CADM2: variants seen among roughly 807,000 people sequenced by gnomAD.
The protein encoded by CADM2 is immunoglobulin superfamily member 4D.
A neutral mutation model predicts 49.8 loss-of-function variants in CADM2; 12 were observed. The ratio of observed to expected loss-of-function variants is 0.24; its 90% CI spans 0.15 to 0.39. The LOEUF (loss-of-function observed/expected upper bound fraction) is 0.39, where lower values mean the gene tolerates loss of function less well. Among genes scored for constraint, CADM2 ranks in the 10% least tolerant of loss-of-function variants. CADM2 has a pLI of 1.00. For synonymous variants in CADM2, 214 were observed against 175.4 expected, an observed-to-expected ratio of 1.22 and a Z score of -1.74; for missense variants, 378 against 492.3, an observed-to-expected ratio of 0.77 and a Z score of 2.20.
chr3:85,424,987 G>A (rs757709977), intron 1 of CADM2, among the ~76,000 whole-genome samples: 2 of 151,952 alleles, frequency 1.3e-5, no homozygotes, highest in Non-Finnish European at 2.9e-5. Flanking sequence ...CAAGACTCAA[G>A]GATAGCATTG....
At chr3:85,113,430 T>C (rs2038529517) in intron 1 of CADM2, among the ~76,000 whole-genome samples, 1 of 152,138 alleles carries the variant, frequency 6.6e-6, no homozygotes, top group South Asian at 2.1e-4. Context: ...CTACATTTTT[T>C]AGTGGGTGTG....
chr3:86,025,122 C>G (rs1733728842), intron 8 of CADM2, among the ~76,000 whole-genome samples: 4 of 151,646 alleles, frequency 2.6e-5, no homozygotes, highest in African/African-American at 9.7e-5. Flanking sequence ...GTGGCATGAT[C>G]TCAGCTCACC....
At chr3:85,461,588 G>C (rs2038247443) in intron 1 of CADM2, among the ~76,000 whole-genome samples, 1 of 152,086 alleles carries the variant, frequency 6.6e-6, no homozygotes. Flanking sequence ...TCTTGCACCT[G>C]TCCCTTTACT....
At chr3:85,066,731 T>C (rs1261371141) in intron 1 of CADM2, among the ~76,000 whole-genome samples, 1 of 152,220 alleles carries the variant, frequency 6.6e-6, no homozygotes, top group Admixed American at 6.5e-5. Context: ...CAAAGACTAG[T>C]TAAGCCAAAT....
chr3:85,131,874 A>C (rs2039239118), intron 1 of CADM2, among the ~76,000 whole-genome samples: 1 of 140,410 alleles, frequency 7.1e-6, no homozygotes, highest in Admixed American at 7.8e-5. Context: ...TAATATTAAC[A>C]ATGTGGCTGT....
chr3:85,744,338 G>T (rs3159), intron 2 of CADM2, among the ~76,000 whole-genome samples: 13,724 of 152,086 alleles, frequency 0.09, 883 homozygotes, highest in Middle Eastern at 0.15. Context: ...AAATTTAATT[G>T]TACATTTTTA....
At chr3:85,577,479 C>T (rs1233927473) in intron 1 of CADM2, among the ~76,000 whole-genome samples, 1 of 152,134 alleles carries the variant, frequency 6.6e-6, no homozygotes, top group African/African-American at 2.4e-5. Context: ...AGCAAGAAGG[C>T]CTTCAGCAGA....
chr3:85,696,310 T>G (rs1048388946), intron 1 of CADM2, among the ~76,000 whole-genome samples: 1 of 152,136 alleles, frequency 6.6e-6, no homozygotes, highest in African/African-American at 2.4e-5. Context: ...TTATATTTGC[T>G]TTTGTGTTCC....
At chr3:85,081,482 A>C (rs1308160496) in intron 1 of CADM2, among the ~76,000 whole-genome samples, 3 of 152,188 alleles carry the variant, frequency 2.0e-5, no homozygotes, top group African/African-American at 7.2e-5. Flanking sequence ...AGATTCATAA[A>C]CTTTGGCCTG....
At chr3:85,259,786 C>T (rs538142449) in intron 1 of CADM2, among the ~76,000 whole-genome samples, 11 of 152,170 alleles carry the variant, frequency 7.2e-5, no homozygotes, top group African/African-American at 2.4e-4. Flanking sequence ...ACAATTGTCT[C>T]AGTGCTACAT....
At chr3:85,771,242 G>A (rs2070069394) in intron 2 of CADM2, among the ~76,000 whole-genome samples, 1 of 152,000 alleles carries the variant, frequency 6.6e-6, no homozygotes, top group Non-Finnish European at 1.5e-5. Context: ...TAGAATAACA[G>A]GATTTCCTGA....
chr3:84,996,729 A>G (rs946882135), intron 1 of CADM2, among the ~76,000 whole-genome samples: 3 of 152,062 alleles, frequency 2.0e-5, no homozygotes, highest in African/African-American at 7.2e-5. Context: ...TATTTGTCTA[A>G]TATCATTTTC....
At chr3:84,986,186 T>C (rs944564210) in intron 1 of CADM2, among the ~76,000 whole-genome samples, 1 of 152,222 alleles carries the variant, frequency 6.6e-6, no homozygotes, top group Non-Finnish European at 1.5e-5. Context: ...AACTGGGTTT[T>C]AACTTTTTTA....
chr3:85,030,332 C>G (rs2034924393), intron 1 of CADM2, among the ~76,000 whole-genome samples: 1 of 152,158 alleles, frequency 6.6e-6, no homozygotes. Flanking sequence ...TTTATATGCT[C>G]TGTTATTCTC....
At chr3:85,301,827 C>A (rs996703270) in intron 1 of CADM2, among the ~76,000 whole-genome samples, 1 of 151,988 alleles carries the variant, frequency 6.6e-6, no homozygotes, top group Non-Finnish European at 1.5e-5. Context: ...GGTCTCCTGA[C>A]ACCCATATTA....
At chr3:86,001,150 A>C (rs774247242) in intron 8 of CADM2, among the ~76,000 whole-genome samples, 1 of 152,162 alleles carries the variant, frequency 6.6e-6, no homozygotes, top group Non-Finnish European at 1.5e-5. Context: ...CCAGCCAACC[A>C]AACTTAATGG....
chr3:86,058,647 A>G (rs1738267452), intron 8 of CADM2, among the ~76,000 whole-genome samples: 1 of 152,096 alleles, frequency 6.6e-6, no homozygotes, highest in African/African-American at 2.4e-5. Flanking sequence ...TATAATAACA[A>G]TTGAATAATA....
At chr3:85,379,097 C>T (rs981142528) in intron 1 of CADM2, among the ~76,000 whole-genome samples, 9 of 151,620 alleles carry the variant, frequency 5.9e-5, no homozygotes, top group Admixed American at 3.3e-4. Context: ...AATCAAGCAC[C>T]GTGGGTTAGT....
At chr3:85,887,409 T>G (rs1713822066) in intron 5 of CADM2, among the ~76,000 whole-genome samples, 1 of 152,220 alleles carries the variant, frequency 6.6e-6, no homozygotes, top group African/African-American at 2.4e-5. Context: ...CCTATAATTG[T>G]GATACCTTAT....
Sources: gnomAD v4.1 joint callset for allele counts (sites outside exome capture counted in the v4.1 genomes callset) on GRCh38, gnomAD v4.1.1 for gene constraint, MANE v1.5 for transcripts, NCBI Gene and HGNC (gene_info 2026-07-23, HGNC 2026-07-21) for gene names.